Variants in RPL3 observed in about 807,000 individuals in gnomAD.
RPL3 encodes ribosomal protein L3.
A neutral mutation model predicts 46.0 loss-of-function variants in RPL3; 3 were observed. The observed-to-expected ratio is 0.07, with a 90% CI of 0.03 to 0.17. RPL3 has a LOEUF of 0.17. Among genes scored for constraint, RPL3 ranks in the 10% least tolerant of loss-of-function variants. The probability of loss-of-function intolerance (pLI) is 1.00; values close to 1 mark genes in which losing one functional copy is unlikely to be tolerated. For missense variants in RPL3, 387 were observed against 532.7 expected (o/e 0.73, Z 2.69); for synonymous variants, 224 against 190.8 (o/e 1.17, Z -1.43).
In RPL3 at chr22:39,316,666, C is replaced by G. The variant is rs753050150; in HGVS notation, c.501+40G>C. On this transcript the variant is annotated intron_variant, in intron 4 of 9. Transcript: ENST00000216146. ...CCCATGATCACATAGGTCACTTCTA[C>G]TAAGTGGCAGGCCAAGCCACCCCGG... 1.2e-5 allele frequency: 20 copies of G among 1,611,372 alleles called. No homozygotes were observed. In the South Asian group the frequency reaches 1.3e-4, roughly 11 times the overall value.
chr22:39,319,611 C>G lies in RPL3; in HGVS notation c.-14G>C, dbSNP rs752857192. 13 of 1,554,966 alleles carry G rather than the reference C, an allele frequency of 8.4e-6. No individual in the cohort carries two copies. The South Asian group carries it at 1.1e-4, about 13-fold the overall frequency. On this transcript the variant is annotated 5_prime_UTR_variant, in exon 1 of 10. Transcript: ENST00000216146. ...AACACATACCATCACGCCATCAAAT[C>G]CCGCCGGTAGAGGCCGGTCGGCCTT...
In RPL3 at chr22:39,313,636, T is replaced by C; in HGVS notation, c.1045A>G (p.Lys349Glu). 1.2e-6 allele frequency: 2 copies of C among 1,613,640 alleles called. No homozygotes were observed. Among genetic ancestry groups the C allele is most frequent in the East Asian group, 4.5e-5 (2 of 44,880 alleles). ...TGACAAGTCAGGACCTGCCTCACCT[T>C]GCGGAGGGTGAGCACCCGCTTCTTG... ...GTKKRVLTLR[K>E]SLLVQTKRRA... The change falls in exon 8 of 10, where the codon AAG becomes GAG. Residue 349 changes from lysine to glutamate, a missense_variant and splice_region_variant. Coordinates refer to ENST00000216146, the MANE Select transcript of RPL3 (RefSeq NM_000967.4).
At chr22:39,318,331 G>T in intron 2 of RPL3, 69 bp downstream of exon 2, 2 of 1,534,670 alleles carry the variant, frequency 1.3e-6, no homozygotes, top group South Asian at 1.2e-5. Flanking sequence ...CTAACAGCTT[G>T]ACTCCATCTC....
chr22:39,319,165 CAGG>C (rs1391077429), intron 1 of RPL3: 4 of 544,788 alleles, frequency 7.3e-6, no homozygotes, highest in African/African-American at 3.8e-5. Flanking sequence ...CCCAGATATT[CAGG>C]AGGACTCCAC....
In RPL3 at chr22:39,314,826, T is replaced by C; in HGVS notation, c.709A>G (p.Thr237Ala). The change falls in exon 6 of 10, where the codon ACC becomes GCC. Residue 237 changes from threonine (T) to alanine (A), a missense_variant. Transcript: ENST00000216146. ...GYKGVTSRWHTKKLPRKTHRG... is the reference protein window; with the variant it reads ...GYKGVTSRWHAKKLPRKTHRG... ...TGGGTCTTGCGGGGCAGCTTCTTGG[T>C]GTGCCAACGACTGGTGACCCCTGGA... 1 of 1,613,646 alleles carries C rather than the reference T, an allele frequency of 6.2e-7. No individual in the cohort carries two copies. Among genetic ancestry groups the C allele is most frequent in the Non-Finnish European group, 8.5e-7 (1 of 1,179,894 alleles).
Position 39,319,605 on chromosome 22 carries a change from T to C in RPL3, c.-8A>G, listed in dbSNP as rs1414716202. The C allele has an allele frequency of 1.0e-5, 16 of 1,546,706 alleles. No individual in the cohort carries two copies. The highest frequency in any genetic ancestry group is 5.9e-5 in the South Asian group (5 of 84,710). On this transcript the variant is annotated 5_prime_UTR_variant, in exon 1 of 10. An upstream start codon of the reference 5' UTR is lost. Transcript: ENST00000216146. ...CATTACAACACATACCATCACGCCA[T>C]CAAATCCCGCCGGTAGAGGCCGGTC...
Position 39,315,668 on chromosome 22 carries a change from A to T in RPL3, c.502-113T>A, listed in dbSNP as rs943463256. 8.7e-6 allele frequency: 11 copies of T among 1,258,924 alleles called. No individual in the cohort carries two copies. In the African/African-American group the frequency reaches 1.3e-4, roughly 15 times the overall value. The allele number at this position is 1,258,924 out of a possible 1,614,324, so 78.0% of individuals were successfully genotyped here. A position where few individuals can be genotyped will look rare whatever the true frequency, so the allele number is the denominator to read the frequency against. On this transcript the variant is annotated intron_variant, in intron 4 of 9. Transcript: ENST00000216146. ...TCAAGCACACGGCAAAAAGCCAGTA[A>T]CTCTGAACAAGTCACTGAACCTCAC... is the stretch of plus-strand genomic sequence containing the variant.
chr22:39,314,632 TCCCCATCACGGGGGCCTCTTCCCACCCCC>T, intron 6 of RPL3, 25 bp downstream of exon 6: 1 of 1,558,492 alleles, frequency 6.4e-7, no homozygotes, highest in Non-Finnish European at 8.7e-7. Flanking sequence ...GAAACCCCAC[TCCCCATCACGGGGGCCTCTTCCCACCCCC>T]AGGGAGCCAC....
At chr22:39,315,815 C>A (rs1198084732) in intron 4 of RPL3, among the ~76,000 whole-genome samples, 1 of 152,218 alleles carries the variant, frequency 6.6e-6, no homozygotes, top group Non-Finnish European at 1.5e-5. Context: ...AGATCCCAGC[C>A]CCTACCAGCC....
chr22:39,317,002 T>C, intron 3 of RPL3, 161 bp from the exon 4 acceptor site: 1 of 1,094,142 alleles, frequency 9.1e-7, no homozygotes. Flanking sequence ...ATGGAGCTCA[T>C]CGGGCAGAGC....
At chr22:39,314,080 TCA>T in intron 7 of RPL3, 25 bp downstream of exon 7, 1 of 1,597,346 alleles carries the variant, frequency 6.3e-7, no homozygotes, top group Non-Finnish European at 8.6e-7. Flanking sequence ...TGGGATGGCC[TCA>T]CAGAGCAGAA....
chr22:39,318,158 T>G (rs896717218), intron 2 of RPL3: 2 of 489,588 alleles, frequency 4.1e-6, no homozygotes, highest in African/African-American at 4.0e-5. Context: ...CCTGGCAAAT[T>G]TACTATGCTC....
intron 3 of RPL3, 163 bp from the exon 4 acceptor site, chr22:39,317,004 G>A (rs567028384): frequency 6.8e-4 from 716 of 1,057,552 alleles, no homozygotes; most frequent in Non-Finnish European, 8.6e-4. Context: ...GGAGCTCATC[G>A]GGCAGAGCCG....
At chr22:39,319,457 G>A (rs1176641985) in intron 1 of RPL3, 138 bp downstream of exon 1, 10 of 1,207,674 alleles carry the variant, frequency 8.3e-6, no homozygotes, top group Non-Finnish European at 1.1e-5. Flanking sequence ...AAATAGGCCA[G>A]ACTGAAGTCC....
chr22:39,316,536 G>T (rs969344801), intron 4 of RPL3, among the ~76,000 whole-genome samples, 170 bp downstream of exon 4: 1 of 152,236 alleles, frequency 6.6e-6, no homozygotes, highest in Non-Finnish European at 1.5e-5. Flanking sequence ...TGAGTCACCA[G>T]TTGAATTTTA....
intron 5 of RPL3, 195 bp from the exon 6 acceptor site, chr22:39,315,041 G>C: frequency 1.3e-6 from 1 of 778,868 alleles, no homozygotes; most frequent in Non-Finnish European, 2.0e-6. Context: ...TTCTGAATGG[G>C]TGCTTTTTAA....
chr22:39,317,473 A>C lies in RPL3; in HGVS notation c.353T>G (p.Phe118Cys). 2 of 1,613,648 alleles carry C rather than the reference A, an allele frequency of 1.2e-6. No homozygotes were observed. Among genetic ancestry groups the C allele is most frequent in the South Asian group, 2.2e-5 (2 of 91,066 alleles). The change falls in exon 3 of 10, where the codon TTC becomes TGC. Residue 118 changes from phenylalanine to cysteine, a missense_variant. Transcript: ENST00000216146. ...EHISDECKRRFYKNWHKSKKK... is the reference protein window; with the variant it reads ...EHISDECKRRCYKNWHKSKKK... Reference sequence around the variant, plus strand: ...CCTCCTCCCTTACCAATTCTTATAGAAACGCCTCTTGCATTCATCACTGAT... The same window carrying C: ...CCTCCTCCCTTACCAATTCTTATAGCAACGCCTCTTGCATTCATCACTGAT...
Position 39,315,142 on chromosome 22 carries a change from C to CA in RPL3, c.688+226dup, listed in dbSNP as rs1601628262. On this transcript the variant is annotated intron_variant, in intron 5 of 9. Transcript: ENST00000216146. ...GCAGTTATCAGTAGGCTACAAAGAG[C>CA]AAAGGGTCCAGGAACGTGTTAAGAA... The CA allele has an allele frequency of 7.4e-6, 6 of 810,794 alleles. No individual in the cohort carries two copies. In the East Asian group the frequency reaches 1.5e-4, roughly 20 times the overall value. The allele number at this position is 810,794 out of a possible 1,614,324, so 50.2% of individuals were successfully genotyped here.
At chr22:39,317,431 A>C in intron 3 of RPL3, 30 bp downstream of exon 3, 1 of 1,602,310 alleles carries the variant, frequency 6.2e-7, no homozygotes, top group Non-Finnish European at 8.5e-7. Context: ...CAAGCTCCCA[A>C]GCTAGGGACT....
Sources: allele counts gnomAD v4.1 joint callset (sites outside exome capture counted in the v4.1 genomes callset), GRCh38; gene constraint gnomAD v4.1.1; transcripts MANE v1.5; gene names NCBI Gene and HGNC (gene_info 2026-07-23, HGNC 2026-07-21).